TRERF1: variants seen among roughly 807,000 people sequenced by gnomAD.
TRERF1 encodes transcriptional-regulating factor 1.
A neutral mutation model predicts 122.9 loss-of-function variants in TRERF1; 27 were observed. The observed-to-expected ratio is 0.22, with a 90% CI of 0.16 to 0.30. The LOEUF is 0.30. Ranked by LOEUF, TRERF1 falls within the 10% of genes least tolerant of loss-of-function variation. The pLI, the probability that TRERF1 is intolerant of heterozygous loss-of-function variation, is 1.00. For synonymous variants in TRERF1, 636 were observed against 641.7 expected (o/e 0.99, Z 0.13); for missense variants, 1,248 against 1,560.3 (o/e 0.80, Z 3.37).
chr6:42,337,902 AG>A (rs772248692), intron 3 of TRERF1, among the ~76,000 whole-genome samples: 2 of 152,164 alleles, frequency 1.3e-5, no homozygotes, highest in Non-Finnish European at 2.9e-5. Flanking sequence ...AAAGATCCCC[AG>A]GGTTGAGGGT....
rs758634579 is a variant in TRERF1, at chr6:42,268,642, G to A, written c.949C>T (p.Arg317Trp). 37 of 1,614,002 alleles carry A rather than the reference G, an allele frequency of 2.3e-5. No individual in the cohort carries two copies. Among genetic ancestry groups the A allele is most frequent in the Admixed American group, 5.0e-5 (3 of 59,978 alleles). The change falls in exon 5 of 18, where the codon CGG (arginine) becomes TGG (tryptophan). Residue 317 changes from arginine to tryptophan, a missense_variant. Arg to Trp is a moderately radical substitution (Grantham distance 101). Transcript: ENST00000372922. The surrounding 1 kb of genome is among the most constrained non-coding windows in gnomAD (Gnocchi z 4.4). Reference sequence around the variant, plus strand: ...TGAGGTATCTGCATTGAACCCTGCCGCTGCTGCAGCTGTAGCTGCTGCGGC... The same window carrying A: ...TGAGGTATCTGCATTGAACCCTGCCACTGCTGCAGCTGTAGCTGCTGCGGC...
chr6:42,373,156 G>C (rs544047423), intron 2 of TRERF1, among the ~76,000 whole-genome samples: 29 of 152,334 alleles, frequency 1.9e-4, no homozygotes, highest in Non-Finnish European at 3.4e-4. Flanking sequence ...TGCTGGTGTG[G>C]CCGGGGCACT....
chr6:42,227,829 G>C (rs1769757136), exon 18 of TRERF1: 1 of 152,406 alleles, frequency 6.6e-6, no homozygotes, highest in South Asian at 2.1e-4. Context: ...GGCTTGCTTT[G>C]CCCCTGGAAA....
intron 3 of TRERF1, among the ~76,000 whole-genome samples, chr6:42,339,073 CCGAAAAGCCAAAACA>C (rs1308353320): frequency 6.6e-6 from 1 of 152,130 alleles, no homozygotes; most frequent in East Asian, 1.9e-4. Context: ...CAGCACTCGG[CCGAAAAGCCAAAACA>C]CGAAGAAGGG....
intron 3 of TRERF1, among the ~76,000 whole-genome samples, chr6:42,346,263 T>C (rs1295982304): frequency 6.6e-6 from 1 of 152,220 alleles, no homozygotes; most frequent in Non-Finnish European, 1.5e-5. Flanking sequence ...CCGATTCCCC[T>C]GCCCCTGCCT....
At chr6:42,256,702 A>G (rs1776816398) in intron 12 of TRERF1, 26 bp downstream of exon 12, 2 of 1,595,470 alleles carry the variant, frequency 1.3e-6, no homozygotes, top group East Asian at 4.5e-5. Context: ...AGGAATTTGT[A>G]AAGCCTCTTT....
intron 3 of TRERF1, among the ~76,000 whole-genome samples, chr6:42,315,629 C>T (rs913837958): frequency 6.6e-5 from 10 of 151,884 alleles, no homozygotes; most frequent in African/African-American, 2.4e-4. Context: ...GGGGGGCCAT[C>T]GGGCTGTCTT....
intron 12 of TRERF1, among the ~76,000 whole-genome samples, chr6:42,256,340 A>G (rs1041595651): frequency 1.3e-5 from 2 of 152,190 alleles, no homozygotes; most frequent in Non-Finnish European, 2.9e-5. Flanking sequence ...GCTGATTTCC[A>G]TAGTAGGGAA....
chr6:42,425,529 ATTTTTTTTTTTTTTTT>A (rs150820164), intron 2 of TRERF1, among the ~76,000 whole-genome samples: 12 of 44,084 alleles, frequency 2.7e-4, no homozygotes, highest in African/African-American at 8.7e-4. Context: ...CCCCCTGGGC[ATTTTTTTTTTTTTTTT>A]TTTTTTTTTT....
chr6:42,334,566 T>G (rs540801943), intron 3 of TRERF1, among the ~76,000 whole-genome samples: 2 of 152,338 alleles, frequency 1.3e-5, no homozygotes, highest in Admixed American at 6.5e-5. Flanking sequence ...TATCTAGGCC[T>G]GTCCCTTAGA....
chr6:42,317,524 A>G (rs967029141), intron 3 of TRERF1, among the ~76,000 whole-genome samples: 3 of 151,810 alleles, frequency 2.0e-5, no homozygotes, highest in Non-Finnish European at 4.4e-5. Flanking sequence ...CCGGCTAATT[A>G]AAAAATTTTT....
chr6:42,256,679 G>T, intron 12 of TRERF1, 49 bp downstream of exon 12: 5 of 1,551,798 alleles, frequency 3.2e-6, no homozygotes, highest in Non-Finnish European at 4.4e-6. Context: ...TGAAACTTGG[G>T]AAAATACTCT....
intron 2 of TRERF1, among the ~76,000 whole-genome samples, chr6:42,414,772 T>C (rs923395036): frequency 5.3e-5 from 8 of 152,248 alleles, no homozygotes; most frequent in Non-Finnish European, 8.8e-5. Flanking sequence ...AGGTATTTTA[T>C]TGACGCACTA....
chr6:42,303,478 C>T (rs755446704), intron 3 of TRERF1, among the ~76,000 whole-genome samples: 14 of 152,110 alleles, frequency 9.2e-5, no homozygotes, highest in African/African-American at 1.9e-4. Context: ...GCTGGTACAC[C>T]GAGTAGCCTG....
chr6:42,310,348 C>T lies in TRERF1; in HGVS notation c.-370-9599G>A, dbSNP rs558408658. 3.7e-4 allele frequency among the ~76,000 whole-genome samples: 56 copies of T among 152,340 alleles called. 2 individuals are homozygous for T. The highest frequency in any genetic ancestry group is 7.4e-5 in the Non-Finnish European group (5 of 68,026). On this transcript the variant is annotated intron_variant, in intron 3 of 17. Coordinates refer to ENST00000372922, the Ensembl canonical transcript of TRERF1. Reference sequence around the variant, plus strand: ...ACAGCACCAAATAGAACATTTCCCTCAATGCAGAGTCCTATTGGACAGGGC... The same window carrying T: ...ACAGCACCAAATAGAACATTTCCCTTAATGCAGAGTCCTATTGGACAGGGC...
intron 2 of TRERF1, among the ~76,000 whole-genome samples, chr6:42,449,733 A>C (rs1562233494): frequency 2.0e-5 from 3 of 152,234 alleles, no homozygotes; most frequent in Admixed American, 1.3e-4. Context: ...AAGCAGCAAT[A>C]ATATTTAATT....
intron 2 of TRERF1, among the ~76,000 whole-genome samples, chr6:42,412,164 C>T (rs1235665609): frequency 6.6e-6 from 1 of 151,984 alleles, no homozygotes; most frequent in Non-Finnish European, 1.5e-5. Flanking sequence ...CCATGCCTGG[C>T]TAATTTTGGT....
chr6:42,324,562 T>G lies in TRERF1; in HGVS notation c.-370-23813A>C, dbSNP rs568137739. Among the ~76,000 whole-genome samples, 17 of 152,050 alleles carry G rather than the reference T, an allele frequency of 1.1e-4. No individual in the cohort carries two copies. The South Asian group carries it at 3.5e-3, about 32-fold the overall frequency. On this transcript the variant is annotated intron_variant, in intron 3 of 17. Transcript: ENST00000372922. ...ACTGGTACAAAAACAGATACATAGA[T>G]CAATGGAAGAGAAGAGAAAACCCAG...
At chr6:42,330,756 T>A (rs543380838) in intron 3 of TRERF1, among the ~76,000 whole-genome samples, 1 of 152,352 alleles carries the variant, frequency 6.6e-6, no homozygotes, top group East Asian at 1.9e-4. Flanking sequence ...AGTCTCAACA[T>A]CCTGGGCTCA....
Sources: gnomAD v4.1 joint callset for allele counts (sites outside exome capture counted in the v4.1 genomes callset) on GRCh38, gnomAD v4.1.1 for gene constraint, Gnocchi (gnomAD v3.1) non-coding constraint, MANE v1.5 for transcripts, NCBI Gene and HGNC (gene_info 2026-07-23, HGNC 2026-07-21) for gene names.